Variants in SUMF1 observed in about 807,000 individuals in gnomAD.
The protein encoded by SUMF1 is sulfatase modifying factor 1.
In SUMF1, 48 loss-of-function variants were observed where a neutral mutation model predicts 47.6. The observed-to-expected ratio is 1.01, with a 90% CI of 0.80 to 1.28. The LOEUF is 1.28. Ranked by LOEUF, SUMF1 falls within the 50% of genes most tolerant of loss-of-function variation. The pLI is 0.00. For missense variants in SUMF1, 571 were observed against 485.4 expected, an observed-to-expected ratio of 1.18 and a Z score of -1.66; for synonymous variants, 230 against 192.1, an observed-to-expected ratio of 1.20 and a Z score of -1.63.
intron 7 of SUMF1, among the ~76,000 whole-genome samples, chr3:4,405,608 A>C (rs1393580020): frequency 6.6e-6 from 1 of 152,112 alleles, no homozygotes; most frequent in African/African-American, 2.4e-5. Context: ...GGCTGGTCTC[A>C]AACTCCTGAG....
chr3:4,288,462 G>A (rs1372446691), intron 8 of SUMF1, among the ~76,000 whole-genome samples: 4 of 151,426 alleles, frequency 2.6e-5, no homozygotes, highest in East Asian at 3.9e-4. Flanking sequence ...AGCTCTTCCC[G>A]TTGAGCTCCC....
At chr3:4,167,304 T>G (rs1380938118) in intron 8 of SUMF1, among the ~76,000 whole-genome samples, 1 of 152,266 alleles carries the variant, frequency 6.6e-6, no homozygotes, top group African/African-American at 2.4e-5. Context: ...TTTTATTCCC[T>G]TATTTGTCCC....
chr3:4,151,619 CT>C, intron 8 of SUMF1, among the ~76,000 whole-genome samples: 1 of 146,090 alleles, frequency 6.8e-6, no homozygotes, highest in Non-Finnish European at 1.5e-5. Flanking sequence ...GGTGTCGAAA[CT>C]TTTGGCTTCC....
chr3:4,325,023 G>C (rs1355648968), intron 8 of SUMF1, among the ~76,000 whole-genome samples: 1 of 152,078 alleles, frequency 6.6e-6, no homozygotes, highest in Non-Finnish European at 1.5e-5. Context: ...GAAAGAGTTT[G>C]TGCAGGAAAA....
intron 8 of SUMF1, among the ~76,000 whole-genome samples, chr3:4,362,583 A>AT (rs1559245280): frequency 1.3e-5 from 2 of 152,376 alleles, no homozygotes; most frequent in South Asian, 4.1e-4. Context: ...ATTGAAAGTC[A>AT]TGTCTTTACA....
intron 8 of SUMF1, among the ~76,000 whole-genome samples, chr3:4,166,963 C>T (rs1694721300): frequency 6.6e-6 from 1 of 152,024 alleles, no homozygotes; most frequent in South Asian, 2.1e-4. Context: ...TTTTAACTGG[C>T]CAACAGGTGT....
chr3:4,219,701 G>A (rs757499664), intron 8 of SUMF1, among the ~76,000 whole-genome samples: 1 of 152,058 alleles, frequency 6.6e-6, no homozygotes, highest in Non-Finnish European at 1.5e-5. Context: ...TCTCAATATT[G>A]TTTCTGAGGT....
chr3:4,363,344 T>A (rs552384273), intron 8 of SUMF1, among the ~76,000 whole-genome samples: 1 of 152,182 alleles, frequency 6.6e-6, no homozygotes, highest in Admixed American at 6.5e-5. Flanking sequence ...TGGGACAACA[T>A]TGCTTTTTAA....
rs573907577 is a variant in SUMF1, at chr3:4,112,503, G to T, written c.1015-43758C>A. On this transcript the variant is annotated intron_variant and NMD_transcript_variant, in intron 8 of 12. Transcript: ENST00000448413. Reference sequence around the variant, plus strand: ...AGTTGTTTCTCTTCAGCATCTTCTAGTATCTCTTTTTAATTCATAATTTGC... The same window carrying T: ...AGTTGTTTCTCTTCAGCATCTTCTATTATCTCTTTTTAATTCATAATTTGC... Among the ~76,000 whole-genome samples, 3 of 152,104 alleles carry T rather than the reference G, an allele frequency of 2.0e-5. No individual in the cohort carries two copies. The South Asian group carries it at 6.2e-4, about 31-fold the overall frequency.
At chr3:4,132,040 A>T (rs1693803862) in intron 8 of SUMF1, among the ~76,000 whole-genome samples, 1 of 152,152 alleles carries the variant, frequency 6.6e-6, no homozygotes, top group African/African-American at 2.4e-5. Context: ...ACCATTCCTC[A>T]GGGTGATCAG....
At chr3:4,397,837 T>C (rs988321410) in intron 7 of SUMF1, among the ~76,000 whole-genome samples, 1 of 152,188 alleles carries the variant, frequency 6.6e-6, no homozygotes, top group Non-Finnish European at 1.5e-5. Flanking sequence ...TATAATTTCA[T>C]AGCTTGCTAG....
intron 8 of SUMF1, among the ~76,000 whole-genome samples, chr3:4,178,396 T>C (rs368052909): frequency 2.0e-5 from 3 of 152,170 alleles, no homozygotes; most frequent in African/African-American, 4.8e-5. Context: ...CATACACAAA[T>C]GAATAAATGT....
intron 8 of SUMF1, among the ~76,000 whole-genome samples, chr3:4,212,516 A>G (rs1695822127): frequency 6.6e-6 from 1 of 152,198 alleles, no homozygotes; most frequent in Non-Finnish European, 1.5e-5. Context: ...CCAAAGGATC[A>G]CAACTACTCG....
At chr3:4,083,707 C>T (rs1020437961) in intron 8 of SUMF1, among the ~76,000 whole-genome samples, 1 of 152,062 alleles carries the variant, frequency 6.6e-6, no homozygotes, top group Non-Finnish European at 1.5e-5. Context: ...TTATTAGACA[C>T]TGTACAAAGA....
chr3:4,445,841 T>C (rs546952150), intron 3 of SUMF1, among the ~76,000 whole-genome samples: 3 of 152,312 alleles, frequency 2.0e-5, no homozygotes, highest in East Asian at 1.9e-4. Flanking sequence ...AACCGTACTA[T>C]AGTTATATAA....
rs748633097 is a variant in SUMF1 at position 4,420,187 on chromosome 3, T to C, written c.520-41A>G. The stretch of plus-strand genomic sequence containing the variant: ...AACAGGCTGATGTTAGCTACTAACA[T>C]CAACTCTAGAAAAATATCAACTCAG... On this transcript the variant is annotated intron_variant, in intron 3 of 8. Transcript: ENST00000272902. 2.0e-6 allele frequency: 3 copies of C among 1,516,542 alleles called. No homozygotes were observed. In the South Asian group the frequency reaches 3.4e-5, roughly 17 times the overall value. 93.9% of individuals were successfully genotyped at this position (1,516,542 alleles called of 1,614,324 possible). A position where few individuals can be genotyped will look rare whatever the true frequency, so the allele number is the denominator to read the frequency against.
chr3:4,077,659 G>C (rs900436905), intron 8 of SUMF1, among the ~76,000 whole-genome samples: 6 of 152,052 alleles, frequency 3.9e-5, no homozygotes, highest in African/African-American at 1.5e-4. Flanking sequence ...CCTGTCATCG[G>C]GTTGGGGGCT....
chr3:4,233,154 A>G (rs1696338421), intron 8 of SUMF1, among the ~76,000 whole-genome samples: 1 of 152,162 alleles, frequency 6.6e-6, no homozygotes, highest in Non-Finnish European at 1.5e-5. Flanking sequence ...GATGTTTGGC[A>G]GCAGCAGACG....
chr3:4,304,662 AT>A (rs1435167727), intron 8 of SUMF1, among the ~76,000 whole-genome samples: 1 of 152,232 alleles, frequency 6.6e-6, no homozygotes, highest in Non-Finnish European at 1.5e-5. Context: ...ATTATCAACA[AT>A]GAACCCTATC....
Sources: gnomAD v4.1 joint callset for allele counts (sites outside exome capture counted in the v4.1 genomes callset) on GRCh38, gnomAD v4.1.1 for gene constraint, MANE v1.5 for transcripts, NCBI Gene and HGNC (gene_info 2026-07-23, HGNC 2026-07-21) for gene names.